Variants in CSMD1 observed in about 807,000 individuals in gnomAD.
The protein encoded by CSMD1 is CUB and Sushi multiple domains 1.
CSMD1 carries 213 observed loss-of-function variants against 417.5 expected under a neutral mutation model. The ratio of observed to expected loss-of-function variants is 0.51; its 90% CI spans 0.46 to 0.57. The LOEUF (loss-of-function observed/expected upper bound fraction) is 0.57. CSMD1 is among the 20% of genes least tolerant of loss of function. The pLI is 0.00. For synonymous variants in CSMD1, 2,862 were observed against 1,736.8 expected (o/e 1.65, Z -16.11); for missense variants, 6,923 against 4,529.7 (o/e 1.53, Z -15.17).
At chr8:2,966,942 A>G (rs10086235) in intron 57 of CSMD1, among the ~76,000 whole-genome samples, 196 bp from the exon 58 acceptor site, 35,797 of 152,132 alleles carry the variant, frequency 0.24, 4,980 homozygotes, top group Non-Finnish European at 0.31. Context: ...CTACAAATAT[A>G]AAAATAACCT....
chr8:4,115,648 G>C lies in CSMD1; in HGVS notation c.416-83549C>G, dbSNP rs1232060299. On this transcript the variant is annotated intron_variant, in intron 3 of 69. Coordinates refer to ENST00000635120, the MANE Select transcript of CSMD1 (RefSeq NM_033225.6). The stretch of plus-strand genomic sequence containing the variant: ...CACACTTACCTGAATGTTTATATGT[G>C]CTTTGCCCATAATTGCTAAAATTTG... Among the ~76,000 whole-genome samples, 3 of 152,082 alleles carry C rather than the reference G, an allele frequency of 2.0e-5. No individual in the cohort carries two copies. In the East Asian group the frequency reaches 5.8e-4, roughly 29 times the overall value.
intron 2 of CSMD1, among the ~76,000 whole-genome samples, chr8:4,450,162 T>C (rs1278742738): frequency 6.6e-6 from 1 of 152,154 alleles, no homozygotes; most frequent in Non-Finnish European, 1.5e-5. Flanking sequence ...AAATGGTTGA[T>C]ATACGTAGAG....
rs563878551 is a variant in CSMD1, at chr8:3,551,270, T to C, written c.1344+23675A>G. ...AAATATTAACTAATATCTTGTGGCA[T>C]ATTTTCTGTACTACAGGACTGTCAT... On this transcript the variant is annotated intron_variant, in intron 10 of 69. Transcript: ENST00000635120. Among the ~76,000 whole-genome samples the C allele has an allele frequency of 9.8e-5, 15 of 152,336 alleles. No homozygotes were observed. The South Asian group carries it at 2.7e-3, about 27-fold the overall frequency.
chr8:3,710,919 G>C (rs1440909279), intron 6 of CSMD1, among the ~76,000 whole-genome samples: 3 of 152,142 alleles, frequency 2.0e-5, no homozygotes, highest in African/African-American at 7.2e-5. Context: ...AGGGCTGCAG[G>C]AGCTGGTCCA....
chr8:3,333,234 G>GT (rs1807024983), intron 23 of CSMD1, among the ~76,000 whole-genome samples: 2 of 152,232 alleles, frequency 1.3e-5, no homozygotes, highest in Admixed American at 1.3e-4. Flanking sequence ...CCTGAGAGAA[G>GT]ACCCAGCCAA....
chr8:4,632,261 C>T (rs891550850), intron 2 of CSMD1, among the ~76,000 whole-genome samples: 1 of 152,114 alleles, frequency 6.6e-6, no homozygotes, highest in Non-Finnish European at 1.5e-5. Context: ...AACATATCTT[C>T]CAGCACTTTG....
At chr8:4,952,237 T>G (rs1808800414) in intron 1 of CSMD1, among the ~76,000 whole-genome samples, 2 of 152,062 alleles carry the variant, frequency 1.3e-5, no homozygotes, top group East Asian at 3.9e-4. Context: ...TGGAGTTAAT[T>G]TGGATTTTTT....
chr8:3,684,703 T>C (rs1799856759), intron 7 of CSMD1, among the ~76,000 whole-genome samples: 1 of 150,838 alleles, frequency 6.6e-6, no homozygotes, highest in Non-Finnish European at 1.5e-5. Context: ...GTTCACGCCA[T>C]TCTCCTGCCT....
chr8:4,175,604 C>A (rs1797996890), intron 3 of CSMD1, among the ~76,000 whole-genome samples: 1 of 152,070 alleles, frequency 6.6e-6, no homozygotes, highest in South Asian at 2.1e-4. Flanking sequence ...ATACAATGAT[C>A]ACGCAATTAT....
chr8:3,509,608 A>T (rs1327458616), intron 10 of CSMD1, among the ~76,000 whole-genome samples: 1 of 152,244 alleles, frequency 6.6e-6, no homozygotes, highest in African/African-American at 2.4e-5. Flanking sequence ...TCTAGTGGAT[A>T]TAACAGATCT....
intron 7 of CSMD1, among the ~76,000 whole-genome samples, chr8:3,649,704 G>A (rs879328447): frequency 1.3e-5 from 2 of 152,008 alleles, no homozygotes; most frequent in Non-Finnish European, 2.9e-5. Flanking sequence ...GAGGATTATC[G>A]GGATTATAAT....
At chr8:2,944,397 G>A (rs538872959) in intron 68 of CSMD1, among the ~76,000 whole-genome samples, 2 of 152,322 alleles carry the variant, frequency 1.3e-5, no homozygotes, top group East Asian at 3.9e-4. Context: ...GTGATGTCCA[G>A]TGACAAGGGG....
At chr8:4,154,373 C>T (rs573844427) in intron 3 of CSMD1, among the ~76,000 whole-genome samples, 121 of 152,310 alleles carry the variant, frequency 7.9e-4, no homozygotes, top group Non-Finnish European at 1.4e-3. Context: ...TGTTTTGTGA[C>T]ATATATCTCT....
chr8:3,630,880 TA>T (rs1269371799), intron 7 of CSMD1, among the ~76,000 whole-genome samples: 3 of 152,160 alleles, frequency 2.0e-5, no homozygotes, highest in African/African-American at 7.2e-5. Flanking sequence ...GTCTGTTGGT[TA>T]TATGCATGTG....
intron 4 of CSMD1, among the ~76,000 whole-genome samples, chr8:4,016,530 G>A (rs569472528): frequency 2.9e-4 from 44 of 152,208 alleles, no homozygotes; most frequent in Non-Finnish European, 5.9e-5. Flanking sequence ...AGGATCTGGG[G>A]CTATGAGAAG....
intron 3 of CSMD1, among the ~76,000 whole-genome samples, chr8:4,203,764 A>G (rs1799806477): frequency 3.3e-5 from 5 of 152,162 alleles, no homozygotes; most frequent in South Asian, 2.1e-4. Context: ...AGACATTTGC[A>G]TATATATGTA....
chr8:4,339,622 C>T (rs1800363353), intron 3 of CSMD1, among the ~76,000 whole-genome samples: 1 of 152,048 alleles, frequency 6.6e-6, no homozygotes, highest in African/African-American at 2.4e-5. Flanking sequence ...CAATGATTAC[C>T]TGCCCACATA....
intron 10 of CSMD1, among the ~76,000 whole-genome samples, chr8:3,502,160 C>A (rs1238954477): frequency 1.3e-5 from 2 of 151,636 alleles, no homozygotes; most frequent in South Asian, 2.1e-4. Flanking sequence ...GTCAGGAGAT[C>A]GAGACCATAC....
At chr8:4,135,131 A>G (rs1803340524) in intron 3 of CSMD1, among the ~76,000 whole-genome samples, 2 of 152,186 alleles carry the variant, frequency 1.3e-5, no homozygotes, top group Admixed American at 1.3e-4. Flanking sequence ...TGACGCACAC[A>G]AAATATTGTC....
Sources: gnomAD v4.1 joint callset for allele counts (sites outside exome capture counted in the v4.1 genomes callset) on GRCh38, gnomAD v4.1.1 for gene constraint, MANE v1.5 for transcripts, NCBI Gene and HGNC (gene_info 2026-07-23, HGNC 2026-07-21) for gene names.